SLC2A12: variants seen among roughly 807,000 people sequenced by gnomAD.
SLC2A12 encodes the protein solute carrier family 2 member 12, also known as solute carrier family 2, facilitated glucose transporter member 12.
In SLC2A12, 23 loss-of-function variants were observed where a neutral mutation model predicts 41.8. The observed-to-expected ratio is 0.55, with a 90% CI of 0.40 to 0.78. The LOEUF is 0.78. Ranked by LOEUF, SLC2A12 falls within the 30% of genes least tolerant of loss-of-function variation. SLC2A12 has a pLI of 0.00. For missense variants in SLC2A12, 654 were observed against 745.6 expected (o/e 0.88, Z 1.43); for synonymous variants, 295 against 285.9 (o/e 1.03, Z -0.32).
intron 1 of SLC2A12, among the ~76,000 whole-genome samples, chr6:134,040,787 T>C (rs1673586065): frequency 6.6e-6 from 1 of 152,244 alleles, no homozygotes; most frequent in African/African-American, 2.4e-5. Context: ...AGTGGGTGAC[T>C]GGTCAAACTT....
chr6:134,035,168 A>AAAAC (rs1554208667), intron 1 of SLC2A12, among the ~76,000 whole-genome samples: 2 of 135,966 alleles, frequency 1.5e-5, no homozygotes, highest in African/African-American at 5.4e-5. Context: ...AAAAAAAAAA[A>AAAAC]AAAAAACTGT....
intron 2 of SLC2A12, among the ~76,000 whole-genome samples, chr6:134,015,251 CTT>C (rs1185423923): frequency 1.3e-5 from 2 of 152,166 alleles, no homozygotes; most frequent in African/African-American, 4.8e-5. Flanking sequence ...CCTGTTAACA[CTT>C]TTACACTGTT....
At position 134,028,487 on chromosome 6, in the gene SLC2A12, T is replaced by A; in HGVS notation, c.1338A>T (p.Glu446Asp). ...SLLNAGLSHT[E>D]YQIVTDPGDV... ...CCCCAGGGTCTGTGACTATCTGGTA[T>A]TCAGTGTGGCTTAATCCAGCATTTA... The change falls in exon 2 of 5, where the codon GAA becomes GAT. Residue 446 changes from glutamate (E) to aspartate (D), a missense_variant. Glu to Asp is a conservative substitution (Grantham distance 45). Transcript: ENST00000275230. 6.2e-7 allele frequency: 1 copy of A among 1,614,202 alleles called. No individual in the cohort carries two copies. Among genetic ancestry groups the A allele is most frequent in the African/African-American group, 1.3e-5 (1 of 75,062 alleles).
intron 1 of SLC2A12, among the ~76,000 whole-genome samples, chr6:134,037,034 C>G (rs1428267077): frequency 1.3e-5 from 2 of 152,030 alleles, no homozygotes; most frequent in East Asian, 1.9e-4. Context: ...ACACCACTAG[C>G]TGTTTCCAGA....
At chr6:133,997,632 AC>A in intron 4 of SLC2A12, among the ~76,000 whole-genome samples, 1 of 152,310 alleles carries the variant, frequency 6.6e-6, no homozygotes, top group Non-Finnish European at 1.5e-5. Flanking sequence ...GCAAAAATAG[AC>A]ACTGAGACGA....
rs1305923289 is a variant in SLC2A12 at position 133,989,720 on chromosome 6, T to C, written c.*1435A>G. 6.6e-6 allele frequency: 1 copy of C among 152,116 alleles called. No individual in the cohort carries two copies. The highest frequency in any genetic ancestry group is 1.5e-5 in the Non-Finnish European group (1 of 68,010). 9.4% of individuals were successfully genotyped at this position (152,116 alleles called of 1,614,324 possible). Reference sequence around the variant, plus strand: ...GATATAGTTTTACTACTTACATAGGTTTATAGTCTCTCCACATTGTTATAA... The same window carrying C: ...GATATAGTTTTACTACTTACATAGGCTTATAGTCTCTCCACATTGTTATAA... On this transcript the variant is annotated 3_prime_UTR_variant, in exon 5 of 5. Transcript: ENST00000275230.
At chr6:134,015,950 A>G (rs554340424) in intron 2 of SLC2A12, among the ~76,000 whole-genome samples, 1 of 152,300 alleles carries the variant, frequency 6.6e-6, no homozygotes, top group East Asian at 1.9e-4. Context: ...GCTCCATAAA[A>G]CCAAACAGAG....
At chr6:133,998,872 G>T (rs571317502) in intron 4 of SLC2A12, among the ~76,000 whole-genome samples, 8 of 152,274 alleles carry the variant, frequency 5.3e-5, no homozygotes, top group South Asian at 4.1e-4. Context: ...TGCTCCCTGA[G>T]TTAGTAGATG....
At chr6:133,991,359 A>G (rs1383586649) in intron 4 of SLC2A12, 51 bp from the exon 5 acceptor site, 1 of 1,583,194 alleles carries the variant, frequency 6.3e-7, no homozygotes, top group Admixed American at 1.8e-5. Context: ...TTTACATGAA[A>G]AAAATGTGTA....
intron 1 of SLC2A12, among the ~76,000 whole-genome samples, chr6:134,035,653 A>T (rs937689616): frequency 6.6e-6 from 1 of 151,928 alleles, no homozygotes; most frequent in African/African-American, 2.4e-5. Flanking sequence ...TTCTCTTGTC[A>T]CTCTGTCTCC....
chr6:133,997,245 C>T (rs371673727), intron 4 of SLC2A12, among the ~76,000 whole-genome samples: 1 of 151,968 alleles, frequency 6.6e-6, no homozygotes, highest in Non-Finnish European at 1.5e-5. Flanking sequence ...GGCAACAGAG[C>T]GAGACTCCAT....
intron 1 of SLC2A12, among the ~76,000 whole-genome samples, chr6:134,039,438 GA>G (rs1312708489): frequency 6.6e-6 from 1 of 152,208 alleles, no homozygotes; most frequent in African/African-American, 2.4e-5. Context: ...ACAGAAATCA[GA>G]TGCTTTCCAT....
intron 2 of SLC2A12, among the ~76,000 whole-genome samples, chr6:134,026,945 T>C (rs1010990700): frequency 6.6e-6 from 1 of 152,130 alleles, no homozygotes; most frequent in Non-Finnish European, 1.5e-5. Flanking sequence ...TGAGTGCCCT[T>C]AGAAGTGGAA....
chr6:134,029,328 A>G lies in SLC2A12; in HGVS notation c.497T>C (p.Leu166Pro). 6.2e-7 allele frequency: 1 copy of G among 1,614,244 alleles called. No individual in the cohort carries two copies. The highest frequency in any genetic ancestry group is 1.3e-5 in the African/African-American group (1 of 75,068). The change falls in exon 2 of 5, where the codon CTT becomes CCT. Residue 166 changes from leucine (L) to proline (P), a missense_variant. By Grantham distance (98) the Leu-to-Pro change is moderately conservative (BLOSUM62 -3). Transcript: ENST00000275230. Reference sequence around the variant, plus strand: ...CATCAGCTCATTCAGTGACACAAGAAGGCCTCTTCTGTGTTGAGGAGCAAT... The same window carrying G: ...CATCAGCTCATTCAGTGACACAAGAGGGCCTCTTCTGTGTTGAGGAGCAAT... ...AEIAPQHRRG[L>P]LVSLNELMIV...
intron 1 of SLC2A12, among the ~76,000 whole-genome samples, chr6:134,032,468 T>TTATATATATATATATATA (rs1195287632): frequency 2.9e-5 from 1 of 34,300 alleles, no homozygotes; most frequent in African/African-American, 1.4e-4. Context: ...ATATATATTT[T>TTATATATATATATATATA]TATATATATA....
chr6:134,033,949 T>A (rs956642165), intron 1 of SLC2A12, among the ~76,000 whole-genome samples: 1 of 151,958 alleles, frequency 6.6e-6, no homozygotes, highest in Non-Finnish European at 1.5e-5. Flanking sequence ...TGGACTTAGA[T>A]CATTTGCCTG....
At chr6:134,008,353 AT>A (rs1266902936) in intron 2 of SLC2A12, among the ~76,000 whole-genome samples, 1 of 152,164 alleles carries the variant, frequency 6.6e-6, no homozygotes, top group African/African-American at 2.4e-5. Context: ...GAAAAAATCT[AT>A]TTTTTTCTTA....
rs1776556031 is a variant in SLC2A12, at chr6:133,987,649, T to TGTGTAC, written c.*3505_*3506insGTACAC. The TGTGTAC allele has an allele frequency of 7.4e-6, 1 of 134,436 alleles. No individual in the cohort carries two copies. Among genetic ancestry groups the TGTGTAC allele is most frequent in the African/African-American group, 3.1e-5 (1 of 31,962 alleles). 8.3% of individuals were successfully genotyped at this position (134,436 alleles called of 1,614,324 possible). On this transcript the variant is annotated 3_prime_UTR_variant, in exon 5 of 5. Transcript: ENST00000275230. ...TTGTGTGTGTGTGTGTGTGTGTGTG[T>TGTGTAC]ATATATATATATATATATGCACCAC...
chr6:134,002,222 T>C, intron 3 of SLC2A12, 93 bp from the exon 4 acceptor site: 1 of 1,346,716 alleles, frequency 7.4e-7, no homozygotes, highest in Admixed American at 2.5e-5. Flanking sequence ...TAGCACCATA[T>C]GTATTTTCAA....
Sources: allele counts gnomAD v4.1 joint callset (sites outside exome capture counted in the v4.1 genomes callset), GRCh38; gene constraint gnomAD v4.1.1; transcripts MANE v1.5; gene names NCBI Gene and HGNC (gene_info 2026-07-23, HGNC 2026-07-21).